The following GPR173 variants were observed in gnomAD, a reference collection of about 807,000 sequenced individuals.
The protein encoded by GPR173 is G protein-coupled receptor 173.
A neutral mutation model predicts 13.9 loss-of-function variants in GPR173; 2 were observed. The ratio of observed to expected loss-of-function variants is 0.14; its 90% CI spans 0.06 to 0.45. The LOEUF (loss-of-function observed/expected upper bound fraction) is 0.45. Ranked by LOEUF, GPR173 falls within the 20% of genes least tolerant of loss-of-function variation. GPR173 has a pLI of 0.98. For missense variants in GPR173, 202 were observed against 340.5 expected (o/e 0.59, Z 3.20); for synonymous variants, 131 against 141.0 (o/e 0.93, Z 0.50).
rs1491063729 is a variant in GPR173 at position 53,079,604 on chromosome X, T to TGC, written c.*1863_*1864dup. Reference sequence around the variant, plus strand: ...CTCTTTCTGACTGTGTGTGTGTGTGTGCGTGCGTGCGTGCATGTGCCCTGT... The same window carrying TGC: ...CTCTTTCTGACTGTGTGTGTGTGTGTGCGCGTGCGTGCGTGCATGTGCCCTGT... On this transcript the variant is annotated 3_prime_UTR_variant, in exon 2 of 2. Transcript: ENST00000332582. The TGC allele has an allele frequency of 9.0e-6, 1 of 111,574 alleles. No homozygotes were observed. Among genetic ancestry groups the TGC allele is most frequent in the Non-Finnish European group, 2.0e-5 (1 of 50,730 alleles). The allele number at this position is 111,574 out of a possible 1,213,427, so 9.2% of individuals were successfully genotyped here. A position where few individuals can be genotyped will look rare whatever the true frequency, so the allele number is the denominator to read the frequency against.
intron 1 of GPR173, among the ~76,000 whole-genome samples, chrX:53,073,275 T>C (rs1185858935): frequency 4.7e-5 from 5 of 106,958 alleles, no homozygotes; most frequent in African/African-American, 1.7e-4. Context: ...CCAGGCTGGA[T>C]TGAGCTGGAA....
At position 53,052,078 on chromosome X, in the gene GPR173, A is replaced by C. The variant is rs782348873; in HGVS notation, c.-98+2594A>C. 3.6e-5 allele frequency among the ~76,000 whole-genome samples: 4 copies of C among 111,678 alleles called. No individual in the cohort carries two copies. In the East Asian group the frequency reaches 1.1e-3, roughly 31 times the overall value. ...TTCCAGTGTATATCACCTGTAGACA[A>C]ACCTTTATGTCCACATCCGATTAGA... On this transcript the variant is annotated intron_variant, in intron 1 of 1. Transcript: ENST00000332582.
chrX:53,063,230 A>G (rs1932151589), intron 1 of GPR173, among the ~76,000 whole-genome samples: 1 of 110,731 alleles, frequency 9.0e-6, no homozygotes, highest in East Asian at 2.8e-4. Flanking sequence ...AATTAGCACC[A>G]TGTGGACACC....
At chrX:53,070,797 A>C (rs1219537776) in intron 1 of GPR173, among the ~76,000 whole-genome samples, 3 of 111,028 alleles carry the variant, frequency 2.7e-5, no homozygotes, top group African/African-American at 9.8e-5. Context: ...TGCACATGTA[A>C]TTTAAAAAGA....
At chrX:53,072,101 G>C (rs782475176) in intron 1 of GPR173, among the ~76,000 whole-genome samples, 1 of 103,406 alleles carries the variant, frequency 9.7e-6, no homozygotes, top group South Asian at 4.7e-4. Flanking sequence ...AATGTCCCGA[G>C]CTTTCCCAGG....
chrX:53,049,975 T>TGC (rs1556802490), intron 1 of GPR173, among the ~76,000 whole-genome samples: 4,481 of 104,884 alleles, frequency 0.043, 305 homozygotes, highest in African/African-American at 0.15. Flanking sequence ...TGTGTGTGTG[T>TGC]GCACCTGGGT....
intron 1 of GPR173, among the ~76,000 whole-genome samples, chrX:53,068,251 T>G (rs1254981969): frequency 2.7e-5 from 3 of 111,537 alleles, no homozygotes; most frequent in East Asian, 5.6e-4. Flanking sequence ...TTCTCTTTAC[T>G]TTTTAATGTT....
chrX:53,057,576 A>G (rs1303044417), intron 1 of GPR173, among the ~76,000 whole-genome samples: 3 of 96,443 alleles, frequency 3.1e-5, no homozygotes, highest in African/African-American at 1.1e-4. Context: ...CATCTCTACT[A>G]AAAAAAAAAA....
At position 53,078,056 on chromosome X, in the gene GPR173, A is replaced by G; in HGVS notation, c.*313A>G. 1 of 287,093 alleles carries G rather than the reference A, an allele frequency of 3.5e-6. No individual in the cohort carries two copies. The highest frequency in any genetic ancestry group is 6.4e-6 in the Non-Finnish European group (1 of 156,778). 23.7% of individuals were successfully genotyped at this position (287,093 alleles called of 1,213,427 possible). On this transcript the variant is annotated 3_prime_UTR_variant, in exon 2 of 2. Coordinates refer to ENST00000332582, the MANE Select transcript of GPR173 (RefSeq NM_018969.6). ...TCTCTCTCTCTCTCTCAGAAGTGAC[A>G]ATTCAGAAAAAGAAAAGAACACTGA...
At chrX:53,056,306 A>G (rs1354462059) in intron 1 of GPR173, among the ~76,000 whole-genome samples, 1 of 109,951 alleles carries the variant, frequency 9.1e-6, no homozygotes, top group Non-Finnish European at 1.9e-5. Context: ...GGGTATATGT[A>G]TGAAAGTAGG....
At position 53,079,371 on chromosome X, in the gene GPR173, G is replaced by T. The variant is rs1304579549; in HGVS notation, c.*1628G>T. On this transcript the variant is annotated 3_prime_UTR_variant, in exon 2 of 2. Transcript: ENST00000332582. Reference sequence around the variant, plus strand: ...TGGAAAGGCAGGCCAGAGTGGCTGAGAGGCTGGGAGTAGGGGAGCCTGTTC... The same window carrying T: ...TGGAAAGGCAGGCCAGAGTGGCTGATAGGCTGGGAGTAGGGGAGCCTGTTC... 1 of 115,886 alleles carries T rather than the reference G, an allele frequency of 8.6e-6. No homozygotes were observed. The highest frequency in any genetic ancestry group is 2.0e-5 in the Non-Finnish European group (1 of 51,028). The allele number at this position is 115,886 out of a possible 1,213,427, so 9.6% of individuals were successfully genotyped here. A position where few individuals can be genotyped will look rare whatever the true frequency, so the allele number is the denominator to read the frequency against.
intron 1 of GPR173, among the ~76,000 whole-genome samples, chrX:53,066,787 G>A (rs188739754): frequency 4.3e-4 from 48 of 111,075 alleles, no homozygotes; most frequent in Admixed American, 3.6e-3. Context: ...AAAACAACAC[G>A]GAAGGGTGTA....
At position 53,056,290 on chromosome X, in the gene GPR173, A is replaced by C. The variant is rs782748051; in HGVS notation, c.-98+6806A>C. ...TTGTGTGAGAGGGTGTGGGTGTATC[A>C]GTGTTGGGTATATGTATGAAAGTAG... On this transcript the variant is annotated intron_variant, in intron 1 of 1. Coordinates refer to ENST00000332582, the MANE Select transcript of GPR173 (RefSeq NM_018969.6). 6.4e-5 allele frequency among the ~76,000 whole-genome samples: 7 copies of C among 109,774 alleles called. No individual in the cohort carries two copies. In the South Asian group the frequency reaches 2.7e-3, roughly 43 times the overall value.
At chrX:53,074,224 A>G (rs781835841) in intron 1 of GPR173, among the ~76,000 whole-genome samples, 1 of 98,611 alleles carries the variant, frequency 1.0e-5, no homozygotes, top group South Asian at 3.8e-4. Context: ...ATTTATATTT[A>G]TTCATATAGA....
chrX:53,068,879 G>A (rs28585589), intron 1 of GPR173, among the ~76,000 whole-genome samples: 22,925 of 106,477 alleles, frequency 0.22, 2,308 homozygotes, highest in African/African-American at 0.35. Context: ...TTCGAGCTCA[G>A]GAGTTTGAGG....
intron 1 of GPR173, among the ~76,000 whole-genome samples, chrX:53,074,694 AAT>A (rs1176219375): frequency 2.4e-5 from 2 of 84,502 alleles, no homozygotes; most frequent in African/African-American, 1.1e-4. Context: ...ATTATAAATA[AAT>A]ATATAAATAT....
At chrX:53,075,647 T>A (rs1217656264) in intron 1 of GPR173, among the ~76,000 whole-genome samples, 1 of 109,672 alleles carries the variant, frequency 9.1e-6, no homozygotes, top group Non-Finnish European at 1.9e-5. Flanking sequence ...GTCCTCATCG[T>A]GGCCCACAAC....
chrX:53,070,555 G>T (rs1556804673), intron 1 of GPR173, among the ~76,000 whole-genome samples: 1 of 111,464 alleles, frequency 9.0e-6, no homozygotes, highest in Non-Finnish European at 1.9e-5. Context: ...CACTATCTCG[G>T]CTCACTGCAA....
chrX:53,066,471 C>A (rs1932184854), intron 1 of GPR173, among the ~76,000 whole-genome samples: 1 of 110,755 alleles, frequency 9.0e-6, no homozygotes, highest in Non-Finnish European at 1.9e-5. Flanking sequence ...TCAGCCTGGG[C>A]AACATGGTAA....
Sources: allele counts gnomAD v4.1 joint callset (sites outside exome capture counted in the v4.1 genomes callset), GRCh38; gene constraint gnomAD v4.1.1; transcripts MANE v1.5; gene names NCBI Gene and HGNC (gene_info 2026-07-23, HGNC 2026-07-21).